The following MBNL2 variants were observed in gnomAD, a reference collection of about 807,000 sequenced individuals.
MBNL2 encodes the protein muscleblind like splicing regulator 2.
A neutral mutation model predicts 41.9 loss-of-function variants in MBNL2; 17 were observed. That is an observed-to-expected ratio of 0.41 (90% CI 0.28 to 0.61). MBNL2 has a LOEUF of 0.61. Ranked by LOEUF, MBNL2 falls within the 20% of genes least tolerant of loss-of-function variation. MBNL2 has a pLI of 0.35. For missense variants in MBNL2, 336 were observed against 505.6 expected, an observed-to-expected ratio of 0.66 and a Z score of 3.22; for synonymous variants, 195 against 182.9, an observed-to-expected ratio of 1.07 and a Z score of -0.53.
At chr13:97,230,727 G>A (rs2042262911) in intron 1 of MBNL2, among the ~76,000 whole-genome samples, 1 of 152,216 alleles carries the variant, frequency 6.6e-6, no homozygotes, top group Non-Finnish European at 1.5e-5. Flanking sequence ...CTAATCTCCA[G>A]GATTCCATAA....
chr13:97,187,088 A>C, the MBNL2 span, among the ~76,000 whole-genome samples: 28 of 152,314 alleles, frequency 1.8e-4, no homozygotes, highest in East Asian at 5.4e-3. Context: ...AGATTCTTGG[A>C]GATCCCACCT....
the MBNL2 span, among the ~76,000 whole-genome samples, chr13:97,154,199 A>G: frequency 1.1e-4 from 17 of 152,164 alleles, no homozygotes; most frequent in Non-Finnish European, 2.2e-4. Context: ...TTTGATGTGT[A>G]AAAAAAGTTA....
At chr13:97,199,188 C>T in the MBNL2 span, among the ~76,000 whole-genome samples, 1 of 152,328 alleles carries the variant, frequency 6.6e-6, no homozygotes, top group East Asian at 1.9e-4. Flanking sequence ...GATACTGGTC[C>T]TCCAGAGATC....
chr13:97,218,005 G>GGA (rs2040516694), upstream of MBNL2, among the ~76,000 whole-genome samples: 1 of 152,094 alleles, frequency 6.6e-6, no homozygotes, highest in South Asian at 2.1e-4. Context: ...TACCAAAGTG[G>GGA]GAAACGTAAG....
intron 5 of MBNL2, among the ~76,000 whole-genome samples, chr13:97,354,039 CAAAAAAA>C (rs61536908): frequency 2.0e-5 from 2 of 101,944 alleles, no homozygotes; most frequent in African/African-American, 3.2e-5. Context: ...GTCCTCAATC[CAAAAAAA>C]AAAAAAAAAA....
At chr13:97,269,756 C>G (rs2050549552) in intron 1 of MBNL2, among the ~76,000 whole-genome samples, 1 of 152,132 alleles carries the variant, frequency 6.6e-6, no homozygotes, top group Non-Finnish European at 1.5e-5. Context: ...GTGAAGCCTT[C>G]TCCAGATAAG....
intron 2 of MBNL2, among the ~76,000 whole-genome samples, chr13:97,293,807 T>G (rs976930038): frequency 2.0e-5 from 3 of 152,152 alleles, no homozygotes; most frequent in African/African-American, 7.2e-5. Flanking sequence ...TGTTTAAAAT[T>G]TTTTCTTTCC....
Position 97,378,882 on chromosome 13 carries a change from C to T in MBNL2, c.1049-12440C>T, listed in dbSNP as rs557694374. 2.6e-5 allele frequency among the ~76,000 whole-genome samples: 4 copies of T among 152,310 alleles called. No individual in the cohort carries two copies. In the South Asian group the frequency reaches 8.3e-4, roughly 32 times the overall value. The stretch of plus-strand genomic sequence containing the variant: ...ATACATTATTTCTCTTACTACTCAA[C>T]ATAACTCTGTGAAGTTTCTTATCTA... On this transcript the variant is annotated intron_variant, in intron 8 of 8. Coordinates refer to ENST00000679496, the MANE Select transcript of MBNL2 (RefSeq NM_001382683.1).
rs2040942079 is a variant in MBNL2, at chr13:97,222,409, G to A, written c.-727G>A. 2 of 398,490 alleles carry A rather than the reference G, an allele frequency of 5.0e-6. No homozygotes were observed. Among genetic ancestry groups the A allele is most frequent in the South Asian group, 2.5e-4 (2 of 7,856 alleles). The allele number at this position is 398,490 out of a possible 1,614,324, so 24.7% of individuals were successfully genotyped here. ...CGGCTTTCAGAGTACAATAAACAGG[G>A]AATGAGAACTATTTACATGGAAGTT... On this transcript the variant is annotated 5_prime_UTR_variant, in exon 1 of 9. Coordinates refer to ENST00000679496, the MANE Select transcript of MBNL2 (RefSeq NM_001382683.1).
intron 1 of MBNL2, among the ~76,000 whole-genome samples, chr13:97,272,698 G>A (rs1292095056): frequency 2.0e-5 from 3 of 152,122 alleles, no homozygotes; most frequent in African/African-American, 7.2e-5. Context: ...CTCACTTAGA[G>A]GTTCTAAGTG....
the MBNL2 span, among the ~76,000 whole-genome samples, chr13:97,175,259 A>G: frequency 6.6e-6 from 1 of 151,974 alleles, no homozygotes; most frequent in Non-Finnish European, 1.5e-5. Flanking sequence ...CCAGACCTGC[A>G]CTGCTGCCTG....
intron 1 of MBNL2, among the ~76,000 whole-genome samples, chr13:97,237,995 A>C (rs2043602358): frequency 6.6e-6 from 1 of 152,168 alleles, no homozygotes; most frequent in South Asian, 2.1e-4. Context: ...AAAGGGAGGG[A>C]GTCAAAGCCG....
At chr13:97,388,801 AG>A (rs918639584) in intron 8 of MBNL2, among the ~76,000 whole-genome samples, 4 of 152,204 alleles carry the variant, frequency 2.6e-5, no homozygotes, top group Non-Finnish European at 4.4e-5. Context: ...TGTATTTCTC[AG>A]GAAAAAAAAA....
At chr13:97,182,530 C>A in the MBNL2 span, among the ~76,000 whole-genome samples, 1 of 152,136 alleles carries the variant, frequency 6.6e-6, no homozygotes, top group Non-Finnish European at 1.5e-5. Flanking sequence ...TGATGAGACA[C>A]CACAATGGAA....
At chr13:97,309,175 C>T (rs1283120869) in intron 2 of MBNL2, among the ~76,000 whole-genome samples, 1 of 152,124 alleles carries the variant, frequency 6.6e-6, no homozygotes, top group African/African-American at 2.4e-5. Context: ...AGCTTGCACG[C>T]CCAAGTGAGG....
chr13:97,254,945 A>G (rs2047245762), intron 1 of MBNL2, among the ~76,000 whole-genome samples: 1 of 152,210 alleles, frequency 6.6e-6, no homozygotes, highest in Non-Finnish European at 1.5e-5. Context: ...CATCATGACC[A>G]TTTCAGGCAT....
At chr13:97,281,969 A>G (rs943602650) in intron 2 of MBNL2, among the ~76,000 whole-genome samples, 4 of 152,142 alleles carry the variant, frequency 2.6e-5, no homozygotes, top group Non-Finnish European at 5.9e-5. Context: ...CTCTTACTGA[A>G]TAAATCACTG....
At chr13:97,194,929 C>A in the MBNL2 span, among the ~76,000 whole-genome samples, 1 of 152,138 alleles carries the variant, frequency 6.6e-6, no homozygotes, top group African/African-American at 2.4e-5. Flanking sequence ...AATAATCTAC[C>A]CCTTGTTTAG....
At chr13:97,330,253 A>G (rs2060319563) in intron 2 of MBNL2, among the ~76,000 whole-genome samples, 1 of 152,180 alleles carries the variant, frequency 6.6e-6, no homozygotes, top group Non-Finnish European at 1.5e-5. Context: ...AAAGGCCCTG[A>G]GGGCTTATGT....
Sources: allele counts gnomAD v4.1 joint callset (sites outside exome capture counted in the v4.1 genomes callset), GRCh38; gene constraint gnomAD v4.1.1; transcripts MANE v1.5; gene names NCBI Gene and HGNC (gene_info 2026-07-23, HGNC 2026-07-21).